The following OTUD7A variants were observed in gnomAD, a reference collection of about 807,000 sequenced individuals.
OTUD7A encodes OTU domain-containing protein 7A.
Under a neutral mutation model 65.7 loss-of-function variants are expected in OTUD7A, and 12 were observed. The ratio of observed to expected loss-of-function variants is 0.18; its 90% confidence interval spans 0.12 to 0.30. OTUD7A has a LOEUF of 0.30. OTUD7A is among the 10% of genes least tolerant of loss of function. The pLI is 1.00. For missense variants in OTUD7A, 1,148 were observed against 1,304.8 expected (o/e 0.88, Z 1.85); for synonymous variants, 641 against 586.3 (o/e 1.09, Z -1.35).
At chr15:31,699,192 G>C (rs1366843996) in intron 1 of OTUD7A, among the ~76,000 whole-genome samples, 6 of 150,480 alleles carry the variant, frequency 4.0e-5, no homozygotes, top group Non-Finnish European at 2.9e-5. Flanking sequence ...CCATTCTCCT[G>C]CCTCAGCCTC....
chr15:31,829,570 G>A (rs1262931984), intron 1 of OTUD7A, among the ~76,000 whole-genome samples: 1 of 152,198 alleles, frequency 6.6e-6, no homozygotes, highest in Non-Finnish European at 1.5e-5. Flanking sequence ...GCAGATACCT[G>A]TAATGCGAGG....
At chr15:31,562,593 G>A (rs1434775604) in intron 4 of OTUD7A, among the ~76,000 whole-genome samples, 1 of 150,610 alleles carries the variant, frequency 6.6e-6, no homozygotes, top group East Asian at 2.0e-4. Context: ...GGAACTGTGA[G>A]TTAAAAAAAA....
At chr15:31,634,008 G>A (rs1346928072) in intron 3 of OTUD7A, among the ~76,000 whole-genome samples, 2 of 152,136 alleles carry the variant, frequency 1.3e-5, no homozygotes, top group Non-Finnish European at 2.9e-5. Flanking sequence ...ATTCAGAACT[G>A]TCCTAAAGAG....
intron 1 of OTUD7A, among the ~76,000 whole-genome samples, chr15:31,820,322 T>C (rs1269207609): frequency 3.9e-5 from 6 of 152,210 alleles, no homozygotes; most frequent in Non-Finnish European, 5.9e-5. Flanking sequence ...GCCTTCAAAG[T>C]TTCAAGTAAT....
intron 1 of OTUD7A, among the ~76,000 whole-genome samples, chr15:31,745,578 T>C (rs1469982045): frequency 1.3e-5 from 2 of 152,116 alleles, no homozygotes; most frequent in Admixed American, 1.3e-4. Flanking sequence ...CCTACAACTA[T>C]AACCTTTTTC....
intron 1 of OTUD7A, among the ~76,000 whole-genome samples, chr15:31,856,374 C>A (rs568226027): frequency 2.0e-5 from 3 of 152,214 alleles, no homozygotes; most frequent in African/African-American, 4.8e-5. Flanking sequence ...TGAACTTATT[C>A]TTTTAACCTG....
intron 1 of OTUD7A, among the ~76,000 whole-genome samples, chr15:31,867,942 CGCACACACAT>C (rs1217852798): frequency 6.6e-6 from 1 of 152,168 alleles, no homozygotes; most frequent in Non-Finnish European, 1.5e-5. Flanking sequence ...AGCACACCGG[CGCACACACAT>C]GCACCCACCT....
intron 1 of OTUD7A, among the ~76,000 whole-genome samples, chr15:31,802,703 T>C (rs557139817): frequency 6.6e-6 from 1 of 152,308 alleles, no homozygotes; most frequent in Non-Finnish European, 1.5e-5. Context: ...TGAGGTACAT[T>C]TAACATCTCA....
intron 1 of OTUD7A, among the ~76,000 whole-genome samples, chr15:31,755,931 C>T (rs1315005676): frequency 2.0e-5 from 3 of 152,212 alleles, no homozygotes; most frequent in Non-Finnish European, 4.4e-5. Context: ...GTGTTGTCTA[C>T]CTGGTGTCCG....
chr15:31,824,170 C>G (rs1896749078), intron 1 of OTUD7A, among the ~76,000 whole-genome samples: 1 of 152,230 alleles, frequency 6.6e-6, no homozygotes. Context: ...CTGGAACAGA[C>G]TCCTTCATGC....
chr15:31,869,634 A>T (rs1333669400), intron 1 of OTUD7A, among the ~76,000 whole-genome samples: 2 of 152,260 alleles, frequency 1.3e-5, no homozygotes, highest in South Asian at 4.2e-4. Flanking sequence ...CTACTCTTAA[A>T]TCTATACATT....
At chr15:31,817,091 G>A (rs1896568777) in intron 1 of OTUD7A, among the ~76,000 whole-genome samples, 1 of 152,138 alleles carries the variant, frequency 6.6e-6, no homozygotes, top group Non-Finnish European at 1.5e-5. Flanking sequence ...ACGCCATCAT[G>A]CTGAGGCTGT....
chr15:31,530,583 C>T, intron 6 of OTUD7A, 124 bp downstream of exon 6: 1 of 852,764 alleles, frequency 1.2e-6, no homozygotes, highest in South Asian at 2.0e-5. Flanking sequence ...TTTCTCATGA[C>T]AGTGACATGG....
chr15:31,670,718 G>A (rs562917078), intron 1 of OTUD7A, among the ~76,000 whole-genome samples: 12 of 152,274 alleles, frequency 7.9e-5, no homozygotes, highest in Non-Finnish European at 1.5e-4. Flanking sequence ...CCGGCCGGGC[G>A]CGGTGGCTCA....
At chr15:31,489,402 T>C (rs1029125272) in intron 10 of OTUD7A, among the ~76,000 whole-genome samples, 6 of 152,206 alleles carry the variant, frequency 3.9e-5, no homozygotes, top group Non-Finnish European at 8.8e-5. Context: ...TGGGTGCAAC[T>C]TGGACATTTT....
At chr15:31,574,151 T>A (rs1284202060) in intron 3 of OTUD7A, among the ~76,000 whole-genome samples, 1 of 152,170 alleles carries the variant, frequency 6.6e-6, no homozygotes, top group Non-Finnish European at 1.5e-5. Flanking sequence ...GGCAAACTTA[T>A]ATAACCACTA....
chr15:31,515,231 T>G (rs538961475), intron 8 of OTUD7A, among the ~76,000 whole-genome samples: 1 of 152,256 alleles, frequency 6.6e-6, no homozygotes, highest in East Asian at 1.9e-4. Context: ...AGTCAGGTAC[T>G]AATACTGAGA....
At chr15:31,770,583 G>C (rs1895208070) in intron 1 of OTUD7A, among the ~76,000 whole-genome samples, 1 of 152,186 alleles carries the variant, frequency 6.6e-6, no homozygotes, top group Non-Finnish European at 1.5e-5. Flanking sequence ...GTTAGCTTTA[G>C]TCTGATATCA....
intron 5 of OTUD7A, among the ~76,000 whole-genome samples, chr15:31,543,772 A>G (rs1888051821): frequency 6.6e-6 from 1 of 151,938 alleles, no homozygotes; most frequent in Non-Finnish European, 1.5e-5. Flanking sequence ...TAGGAATAAA[A>G]GGAGATATAG....
Sources: allele counts gnomAD v4.1 joint callset (sites outside exome capture counted in the v4.1 genomes callset), GRCh38; gene constraint gnomAD v4.1.1; transcripts MANE v1.5; gene names NCBI Gene and HGNC (gene_info 2026-07-23, HGNC 2026-07-21).